Variants in GLI1 observed in about 807,000 individuals in gnomAD.
GLI1 encodes transcription activator GLI1.
In GLI1, 51 loss-of-function variants were observed where a neutral mutation model predicts 87.8. That is an observed-to-expected ratio of 0.58 (90% CI 0.46 to 0.73). The LOEUF (loss-of-function observed/expected upper bound fraction) is 0.73. Among genes scored for constraint, GLI1 ranks in the 30% least tolerant of loss-of-function variants. The pLI is 0.00. For missense variants in GLI1, 1,292 were observed against 1,437.2 expected (o/e 0.90, Z 1.63); for synonymous variants, 528 against 558.2 (o/e 0.95, Z 0.76).
Position 57,468,030 on chromosome 12 carries a change from C to T in GLI1, c.1114C>T (p.Arg372Cys), listed in dbSNP as rs142822754. The T allele has an allele frequency of 2.2e-5, 35 of 1,614,064 alleles. No homozygotes were observed. The highest frequency in any genetic ancestry group is 1.0e-4 in the Admixed American group (6 of 60,008). ...ATGTAAGCTCCCTGGCTGCACCAAACGCTATACAGATCCTAGCTCGCTGCG... is the reference window on the plus strand; with the variant it reads ...ATGTAAGCTCCCTGGCTGCACCAAATGCTATACAGATCCTAGCTCGCTGCG... Reference protein sequence around the residue: ...YVCKLPGCTKRYTDPSSLRKH... With the variant: ...YVCKLPGCTKCYTDPSSLRKH... Residue 372 changes from arginine (R) to cysteine (C), a missense_variant, in exon 10 of 12, where the codon CGC becomes TGC. Around this residue, in one of 3 missense-constraint regions of GLI1, gnomAD observed 897 missense variants for 1,040.7 expected, o/e 0.86. Transcript: ENST00000228682.
In GLI1 at chr12:57,469,679, G is replaced by T. The variant is rs113261025; in HGVS notation, c.1557G>T (p.Leu519=). 1.2e-6 allele frequency: 2 copies of T among 1,613,610 alleles called. No homozygotes were observed. The highest frequency in any genetic ancestry group is 1.7e-6 in the Non-Finnish European group (2 of 1,180,010). Residue 519 remains leucine (L), a synonymous_variant, in exon 11 of 12, where the codon CTG becomes CTT. Transcript: ENST00000228682. ...CAATAGGGACCCGGGGTCTCAAACT[G>T]CCCAGCTTGTCCCACACCGGTGAGA... ...LRPIGTRGLK[L]PSLSHTGTTV...
chr12:57,464,151 A>C (rs556218354), intron 3 of GLI1, 60 bp downstream of exon 3: 3 of 1,108,550 alleles, frequency 2.7e-6, no homozygotes, highest in Non-Finnish European at 4.2e-6. Context: ...TCTGAAAGAG[A>C]AAGTGGGAGG....
At chr12:57,464,630 C>T (rs920407826) in intron 3 of GLI1, 43 bp from the exon 4 acceptor site, 15 of 1,440,878 alleles carry the variant, frequency 1.0e-5, no homozygotes, top group Middle Eastern at 1.8e-4. Context: ...CATGGAGAGA[C>T]ATGCCCCTTT....
intron 1 of GLI1, 71 bp from the exon 2 acceptor site, chr12:57,463,594 T>G: frequency 1.3e-6 from 1 of 785,644 alleles, no homozygotes. Context: ...CTGCCCAGGA[T>G]TCTGTGCCTG....
intron 11 of GLI1, among the ~76,000 whole-genome samples, chr12:57,469,954 G>A (rs1366923109): frequency 1.3e-5 from 2 of 152,174 alleles, no homozygotes; most frequent in Admixed American, 6.5e-5. Flanking sequence ...CTTGAACCTG[G>A]GAGGCAGAGG....
chr12:57,471,332 C>T lies in GLI1; in HGVS notation c.2592C>T (p.Pro864=), dbSNP rs1489362555. The T allele has an allele frequency of 1.9e-6, 3 of 1,582,536 alleles. No homozygotes were observed. The highest frequency in any genetic ancestry group is 4.5e-5 in the East Asian group (2 of 44,762). ...PSPPQYLQSG[P]YTQPPPDYLP... is the part of the protein sequence containing the mutation. ...CTCCCCAATATCTCCAGTCAGGCCC[C>T]TATACCCAGCCACCCCCTGATTATC... Residue 864 remains proline (P), a synonymous_variant, in exon 12 of 12, where the codon CCC becomes CCT. Transcript: ENST00000228682. The surrounding 1 kb of genome is among the most constrained non-coding windows in gnomAD (Gnocchi z 4.9).
intron 1 of GLI1, among the ~76,000 whole-genome samples, chr12:57,460,748 G>A (rs1181723749): frequency 1.4e-5 from 2 of 147,170 alleles, no homozygotes; most frequent in African/African-American, 5.1e-5. Context: ...GGGGAAAGGA[G>A]TGTCTTCTGG....
Position 57,471,678 on chromosome 12 carries a change from A to T in GLI1, c.2938A>T (p.Arg980Trp). 6.2e-7 allele frequency: 1 copy of T among 1,608,882 alleles called. No individual in the cohort carries two copies. The highest frequency in any genetic ancestry group is 8.5e-7 in the Non-Finnish European group (1 of 1,177,366). ...TGAAAATTTTGTAGTGGGGGCAAAT[A>T]GGGCTTCACATAGGGCAGCAGCACC... ...CHENFVVGANRASHRAAAPPR... is the reference protein window; with the variant it reads ...CHENFVVGANWASHRAAAPPR... The change falls in exon 12 of 12, where the codon AGG (arginine) becomes TGG (tryptophan). Residue 980 changes from arginine to tryptophan, a missense_variant. This residue lies in a region of GLI1 where 897 missense variants were observed against 1,040.7 expected (regional missense o/e 0.86). Transcript: ENST00000228682. The surrounding 1 kb of genome is among the most constrained non-coding windows in gnomAD (Gnocchi z 4.9).
intron 3 of GLI1, 34 bp downstream of exon 3, chr12:57,464,125 C>T (rs1234144231): frequency 1.5e-6 from 2 of 1,327,016 alleles, no homozygotes; most frequent in African/African-American, 1.4e-5. Flanking sequence ...TCCCTTTCTG[C>T]CCCTCTCTGA....
At chr12:57,470,268 A>G (rs367764675) in intron 11 of GLI1, 49 bp from the exon 12 acceptor site, 190 of 1,436,368 alleles carry the variant, frequency 1.3e-4, no homozygotes, top group Non-Finnish European at 1.7e-4. Context: ...GCAGGGTGAA[A>G]TTTAGGAAGC....
chr12:57,470,434 TC>T lies in GLI1; in HGVS notation c.1700del (p.Pro567LeufsTer46). 1 of 1,613,896 alleles carries T rather than the reference TC, an allele frequency of 6.2e-7. No homozygotes were observed. Among genetic ancestry groups the T allele is most frequent in the Non-Finnish European group, 8.5e-7 (1 of 1,179,926 alleles). ...VSRRSSLASP[F>X]PPGSPPENGA... Reference sequence around the variant, plus strand: ...CGCCGCTCCTCCCTGGCCTCTCCTTTCCCCCCTGGCTCCCCACCAGAGAATG... The same window carrying T: ...CGCCGCTCCTCCCTGGCCTCTCCTTTCCCCCTGGCTCCCCACCAGAGAATG... On this transcript the variant is annotated frameshift_variant, in exon 12 of 12. Transcript: ENST00000228682. LOFTEE classifies it high-confidence loss of function.
intron 1 of GLI1, among the ~76,000 whole-genome samples, chr12:57,463,249 G>A (rs537860259): frequency 3.9e-5 from 6 of 152,220 alleles, no homozygotes; most frequent in African/African-American, 1.2e-4. Context: ...ACGGAGTCTA[G>A]CTCTGTCACC....
chr12:57,468,091 A>G lies in GLI1; in HGVS notation c.1175A>G (p.His392Arg). Reference protein sequence around the residue: ...HVKTVHGPDAHVTKRHRGDGP... With the variant: ...HVKTVHGPDARVTKRHRGDGP... The stretch of plus-strand genomic sequence containing the variant: ...AAGACAGTGCATGGTCCTGACGCCC[A>G]TGTGACCAAACGGCACCGTGGGGAT... Residue 392 changes from histidine (H) to arginine (R), a missense_variant, in exon 10 of 12, where the codon CAT becomes CGT. By Grantham distance (29) the His-to-Arg change is conservative. Around this residue, in one of 3 missense-constraint regions of GLI1, gnomAD observed 897 missense variants for 1,040.7 expected, o/e 0.86. Coordinates refer to ENST00000228682, the MANE Select transcript of GLI1 (RefSeq NM_005269.3). The G allele has an allele frequency of 6.2e-7, 1 of 1,614,172 alleles. No homozygotes were observed. The highest frequency in any genetic ancestry group is 1.3e-5 in the African/African-American group (1 of 75,064).
intron 5 of GLI1, 89 bp from the exon 6 acceptor site, chr12:57,465,518 G>T: frequency 9.4e-7 from 1 of 1,059,450 alleles, no homozygotes; most frequent in Non-Finnish European, 1.4e-6. Flanking sequence ...GCTTGGGTGG[G>T]GGCACTTAGG....
intron 3 of GLI1, among the ~76,000 whole-genome samples, chr12:57,464,302 G>T (rs1355776511): frequency 1.3e-5 from 2 of 151,958 alleles, no homozygotes; most frequent in Admixed American, 6.6e-5. Context: ...CAGGAAGATC[G>T]CTTGAGGTCG....
intron 1 of GLI1, among the ~76,000 whole-genome samples, chr12:57,462,059 G>A (rs1475830609): frequency 6.6e-6 from 1 of 152,240 alleles, no homozygotes; most frequent in East Asian, 1.9e-4. Flanking sequence ...CTCTTCGGCA[G>A]CTAGGCAGTG....
At chr12:57,466,016 CAG>C in intron 7 of GLI1, 91 bp downstream of exon 7, 2 of 1,283,876 alleles carry the variant, frequency 1.6e-6, no homozygotes, top group Non-Finnish European at 2.2e-6. Context: ...GGCAGGAGGT[CAG>C]AGGAGACTGA....
chr12:57,470,984 A>G lies in GLI1; in HGVS notation c.2244A>G (p.Pro748=). The G allele has an allele frequency of 1.2e-6, 2 of 1,612,946 alleles. No homozygotes were observed. Among genetic ancestry groups the G allele is most frequent in the Non-Finnish European group, 1.7e-6 (2 of 1,179,428 alleles). The change falls in exon 12 of 12, where the codon CCA becomes CCG. Residue 748 remains proline (P), a synonymous_variant. Coordinates refer to ENST00000228682, the MANE Select transcript of GLI1 (RefSeq NM_005269.3). ...AAAEPYGARG[P]GSLPLGPGPP... ...CTGAGCCTTATGGAGCGAGGGGTCC[A>G]GGCTCTCTGCCTCTTGGGCCTGGTC...
Position 57,470,581 on chromosome 12 carries a change from G to C in GLI1, c.1841G>C (p.Gly614Ala). 6.2e-7 allele frequency: 1 copy of C among 1,614,074 alleles called. No individual in the cohort carries two copies. Among genetic ancestry groups the C allele is most frequent in the Non-Finnish European group, 8.5e-7 (1 of 1,180,026 alleles). Residue 614 changes from glycine to alanine, a missense_variant, in exon 12 of 12, where the codon GGT (glycine) becomes GCT (alanine). Gly to Ala is a moderately conservative substitution (Grantham distance 60, BLOSUM62 0). Coordinates refer to ENST00000228682, the MANE Select transcript of GLI1 (RefSeq NM_005269.3). ...TAASSLDRIG[G>A]LPMPPWRSRA... ...GCATCCAGCCTGGATCGGATAGGTG[G>C]TCTTCCCATGCCTCCTTGGAGAAGC...
Sources: allele counts gnomAD v4.1 joint callset (sites outside exome capture counted in the v4.1 genomes callset), GRCh38; gene constraint gnomAD v4.1.1; regional missense constraint gnomAD v4.1.1; non-coding constraint Gnocchi (gnomAD v3.1); transcripts MANE v1.5; gene names NCBI Gene and HGNC (gene_info 2026-07-23, HGNC 2026-07-21).